The following CLSTN1 variants were observed in gnomAD, a reference collection of about 807,000 sequenced individuals.
CLSTN1 encodes the protein calsyntenin-1.
A neutral mutation model predicts 108.3 loss-of-function variants in CLSTN1; 28 were observed. That is an observed-to-expected ratio of 0.26 (90% CI 0.19 to 0.35). The LOEUF (loss-of-function observed/expected upper bound fraction) is 0.35. CLSTN1 is among the 10% of genes least tolerant of loss of function. The pLI is 1.00. For missense variants in CLSTN1, 1,157 were observed against 1,302.6 expected (o/e 0.89, Z 1.72); for synonymous variants, 524 against 534.9 (o/e 0.98, Z 0.28).
intron 1 of CLSTN1, among the ~76,000 whole-genome samples, chr1:9,779,855 CT>C (rs770514487): frequency 1.4e-4 from 21 of 146,528 alleles, no homozygotes; most frequent in Non-Finnish European, 1.7e-4. Context: ...CTTTCACTTT[CT>C]TTTTTTTTTT....
Position 9,744,385 on chromosome 1 carries a change from A to G in CLSTN1, c.1234+10T>C. On this transcript the variant is annotated intron_variant, in intron 8 of 18. Transcript: ENST00000377298. Reference sequence around the variant, plus strand: ...GGGGCCTGGCATCGCTTGCAGAGCTATTACCCTACCTGTTTTATCAGAACT... The same window carrying G: ...GGGGCCTGGCATCGCTTGCAGAGCTGTTACCCTACCTGTTTTATCAGAACT... 6.2e-7 allele frequency: 1 copy of G among 1,603,944 alleles called. No individual in the cohort carries two copies. Among genetic ancestry groups the G allele is most frequent in the Non-Finnish European group, 8.5e-7 (1 of 1,176,166 alleles).
At chr1:9,764,102 AAGAAAG>A (rs61200400) in intron 2 of CLSTN1, among the ~76,000 whole-genome samples, 17,800 of 147,896 alleles carry the variant, frequency 0.12, 1,631 homozygotes, top group South Asian at 0.28. Context: ...GTGAGGGAGA[AAGAAAG>A]AGAGAGAGAG....
chr1:9,742,765 G>A (rs545680220), intron 9 of CLSTN1, among the ~76,000 whole-genome samples: 9 of 152,118 alleles, frequency 5.9e-5, no homozygotes, highest in African/African-American at 2.2e-4. Context: ...AAAATTAGCC[G>A]GGCGTGGTGG....
chr1:9,744,437 C>A lies in CLSTN1; in HGVS notation c.1192G>T (p.Gly398Cys). 5 of 1,610,568 alleles carry A rather than the reference C, an allele frequency of 3.1e-6. No homozygotes were observed. Among genetic ancestry groups the A allele is most frequent in the Non-Finnish European group, 4.2e-6 (5 of 1,179,976 alleles). The change falls in exon 8 of 19, where the codon GGC (glycine) becomes TGC (cysteine). Residue 398 changes from glycine to cysteine, a missense_variant. Coordinates refer to ENST00000377298, the MANE Select transcript of CLSTN1 (RefSeq NM_001009566.3). ...CAAAGAATTGTCTCCTTCTTCCTGCCGAATGGCCCATGTCTCATCCACACC... is the reference window on the plus strand; with the variant it reads ...CAAAGAATTGTCTCCTTCTTCCTGCAGAATGGCCCATGTCTCATCCACACC... The part of the protein sequence containing the change: ...ISVWMRHGPF[G>C]RKKETILCSS...
In CLSTN1 at chr1:9,749,528, T is replaced by C; in HGVS notation, c.918A>G (p.Glu306=). The C allele has an allele frequency of 6.2e-7, 1 of 1,614,226 alleles. No individual in the cohort carries two copies. Among genetic ancestry groups the C allele is most frequent in the Non-Finnish European group, 8.5e-7 (1 of 1,180,044 alleles). Residue 306 remains glutamate, a synonymous_variant, in exon 7 of 19, where the codon GAA becomes GAG. Transcript: ENST00000377298. The stretch of plus-strand genomic sequence containing the variant: ...CGCAGCCTTTCCCTATGTGGCTGGT[T>C]TCTAGCTCCACTGTGGCCTGTACTG... ...VASVQATVEL[E]TSHIGKGCDR...
chr1:9,798,113 G>T (rs1349162922), intron 1 of CLSTN1, among the ~76,000 whole-genome samples: 1 of 135,764 alleles, frequency 7.4e-6, no homozygotes, highest in Non-Finnish European at 1.5e-5. Flanking sequence ...AAAGAGAGAG[G>T]GAGAGAGGGA....
At chr1:9,806,634 C>A (rs1265124311) in intron 1 of CLSTN1, among the ~76,000 whole-genome samples, 1 of 152,116 alleles carries the variant, frequency 6.6e-6, no homozygotes, top group African/African-American at 2.4e-5. Context: ...AATCCCAGCA[C>A]TTTGGGAGGC....
chr1:9,744,691 C>A, intron 7 of CLSTN1, 48 bp from the exon 8 acceptor site: 1 of 1,556,236 alleles, frequency 6.4e-7, no homozygotes. Context: ...CCAGAGGTCC[C>A]GCGCACCTCA....
intron 10 of CLSTN1, among the ~76,000 whole-genome samples, chr1:9,739,097 G>A (rs1007462409): frequency 2.0e-5 from 3 of 152,182 alleles, no homozygotes; most frequent in Non-Finnish European, 4.4e-5. Context: ...ATGAACCTCT[G>A]GGGTAACCTG....
Position 9,818,777 on chromosome 1 carries a change from C to CTTT in CLSTN1, c.91+4863_91+4865dup, listed in dbSNP as rs1156483241. Among the ~76,000 whole-genome samples the CTTT allele has an allele frequency of 7.5e-4, 74 of 98,080 alleles. 9 individuals are homozygous for CTTT. The highest frequency in any genetic ancestry group is 1.6e-3 in the African/African-American group (34 of 20,634). 64.3% of individuals were successfully genotyped at this position (98,080 alleles called of 152,430 possible). Reference sequence around the variant, plus strand: ...TAAAGACATATTTCTTCAAGCAACTCTTTTTTTTTTTTTTTTTTTTTTTTT... The same window carrying CTTT: ...TAAAGACATATTTCTTCAAGCAACTCTTTTTTTTTTTTTTTTTTTTTTTTTTTT... On this transcript the variant is annotated intron_variant, in intron 1 of 18. Transcript: ENST00000377298.
chr1:9,797,072 A>G lies in CLSTN1; in HGVS notation c.92-23678T>C, dbSNP rs77562071. On this transcript the variant is annotated intron_variant, in intron 1 of 18. Coordinates refer to ENST00000377298, the MANE Select transcript of CLSTN1 (RefSeq NM_001009566.3). ...TTGGAGTTAAATAAAATGCAGTGTG[A>G]CAAGGCTGCTGAGACACTTAGACAA... 8.4e-3 allele frequency among the ~76,000 whole-genome samples: 1,280 copies of G among 152,304 alleles called. 20 individuals are homozygous for G. Among genetic ancestry groups the G allele is most frequent in the African/African-American group, 0.028 (1,166 of 41,560 alleles).
chr1:9,771,560 G>A (rs1240514435), intron 2 of CLSTN1, among the ~76,000 whole-genome samples: 2 of 152,154 alleles, frequency 1.3e-5, no homozygotes, highest in East Asian at 1.9e-4. Context: ...GTTGCAGTGA[G>A]CTGAGATTGC....
At chr1:9,741,828 C>T (rs1650997727) in intron 9 of CLSTN1, among the ~76,000 whole-genome samples, 1 of 152,198 alleles carries the variant, frequency 6.6e-6, no homozygotes, top group African/African-American at 2.4e-5. Context: ...ACAAGAATTG[C>T]TTGAACCCGG....
chr1:9,810,091 A>AGGAG (rs565024391), intron 1 of CLSTN1, among the ~76,000 whole-genome samples: 104 of 5,094 alleles, frequency 0.02, 4 homozygotes, highest in African/African-American at 0.071. Context: ...AGAGAAAGGA[A>AGGAG]GGAGGGAGGG....
intron 2 of CLSTN1, among the ~76,000 whole-genome samples, chr1:9,761,953 G>T (rs533519256): frequency 1.3e-5 from 2 of 152,172 alleles, no homozygotes; most frequent in African/African-American, 2.4e-5. Context: ...AAGCCAAGGC[G>T]GCTGGAGACC....
At chr1:9,749,197 T>C (rs76919710) in intron 7 of CLSTN1, among the ~76,000 whole-genome samples, 97 of 152,268 alleles carry the variant, frequency 6.4e-4, no homozygotes, top group African/African-American at 2.2e-3. Flanking sequence ...AGCCACCACA[T>C]CTGGCCACCA....
rs577670142 is a variant in CLSTN1, at chr1:9,751,497, C to T, written c.625G>A (p.Val209Met). 5 of 1,614,084 alleles carry T rather than the reference C, an allele frequency of 3.1e-6. No homozygotes were observed. The highest frequency in any genetic ancestry group is 2.2e-5 in the East Asian group (1 of 44,876). Reference protein sequence around the residue: ...ICSYEIITPDVPFTVDKDGYI... With the variant: ...ICSYEIITPDMPFTVDKDGYI... ...CCATCTTTGTCAACAGTAAAGGGCACGTCTGGAGTGATGATTTCGTAGCTG... is the reference window on the plus strand; with the variant it reads ...CCATCTTTGTCAACAGTAAAGGGCATGTCTGGAGTGATGATTTCGTAGCTG... Residue 209 changes from valine (V) to methionine (M), a missense_variant, in exon 5 of 19, where the codon GTG becomes ATG. By Grantham distance (21) the Val-to-Met change is conservative (BLOSUM62 1). Transcript: ENST00000377298.
intron 2 of CLSTN1, among the ~76,000 whole-genome samples, chr1:9,764,677 G>T (rs1049725335): frequency 1.3e-5 from 2 of 149,164 alleles, no homozygotes; most frequent in Non-Finnish European, 3.0e-5. Context: ...TTCCACATGA[G>T]GTTTGGAGGG....
At chr1:9,764,106 AAGAGAGAG>A (rs772208381) in intron 2 of CLSTN1, among the ~76,000 whole-genome samples, 2 of 120,818 alleles carry the variant, frequency 1.7e-5, no homozygotes, top group African/African-American at 7.2e-5. Context: ...GGGAGAAAGA[AAGAGAGAG>A]AGAGAGAGAG....
Sources: gnomAD v4.1 joint callset for allele counts (sites outside exome capture counted in the v4.1 genomes callset) on GRCh38, gnomAD v4.1.1 for gene constraint, MANE v1.5 for transcripts, NCBI Gene and HGNC (gene_info 2026-07-23, HGNC 2026-07-21) for gene names.